Variants in LMBRD1 observed in about 807,000 individuals in gnomAD.
The protein encoded by LMBRD1 is lysosomal cobalamin transport escort protein LMBD1.
In LMBRD1, 64 loss-of-function variants were observed where a neutral mutation model predicts 74.8. That is an observed-to-expected ratio of 0.86 (90% confidence interval 0.70 to 1.05). The LOEUF is 1.05. Among genes scored for constraint, LMBRD1 ranks in the 50% least tolerant of loss-of-function variants. LMBRD1 has a pLI of 0.00. For synonymous variants in LMBRD1, 204 were observed against 216.3 expected (o/e 0.94, Z 0.50); for missense variants, 652 against 645.9 (o/e 1.01, Z -0.10).
At chr6:69,791,320 G>C (rs1001369279) in intron 1 of LMBRD1, among the ~76,000 whole-genome samples, 4 of 152,198 alleles carry the variant, frequency 2.6e-5, no homozygotes, top group African/African-American at 7.2e-5. Flanking sequence ...GCTACTGCTG[G>C]TCCAGGGCTG....
At chr6:69,726,232 G>A (rs1766732275) in intron 7 of LMBRD1, among the ~76,000 whole-genome samples, 1 of 152,200 alleles carries the variant, frequency 6.6e-6, no homozygotes, top group African/African-American at 2.4e-5. Context: ...AACAACAAAT[G>A]CTGGTGAAGA....
intron 6 of LMBRD1, among the ~76,000 whole-genome samples, chr6:69,739,882 C>T (rs577578282): frequency 5.9e-5 from 9 of 152,174 alleles, no homozygotes; most frequent in South Asian, 2.1e-4. Context: ...CCAAGGTGGG[C>T]GGATCACAAG....
At position 69,681,341 on chromosome 6, in the gene LMBRD1, ATT is replaced by A. The variant is rs955459037; in HGVS notation, c.1418-4802_1418-4801del. On this transcript the variant is annotated intron_variant, in intron 14 of 15. Transcript: ENST00000649934. Reference sequence around the variant, plus strand: ...AAATAACAGGAAATGCAAGTACACCATTTTTTTTGTAATTTAACAGCAGTCTT... The same window carrying A: ...AAATAACAGGAAATGCAAGTACACCATTTTTTGTAATTTAACAGCAGTCTT... Among the ~76,000 whole-genome samples the A allele has an allele frequency of 5.9e-5, 9 of 151,708 alleles. No individual in the cohort carries two copies. In the East Asian group the frequency reaches 1.7e-3, roughly 29 times the overall value.
At chr6:69,679,665 T>G (rs1765621278) in intron 14 of LMBRD1, among the ~76,000 whole-genome samples, 1 of 152,160 alleles carries the variant, frequency 6.6e-6, no homozygotes, top group African/African-American at 2.4e-5. Context: ...ATAACTAAAA[T>G]GTCCAGCATG....
At chr6:69,790,582 T>A in intron 1 of LMBRD1, 110 bp from the exon 2 acceptor site, 1 of 1,092,474 alleles carries the variant, frequency 9.2e-7, no homozygotes, top group Non-Finnish European at 1.4e-6. Flanking sequence ...AAAGGTTATT[T>A]TAGTTGTGTA....
intron 3 of LMBRD1, among the ~76,000 whole-genome samples, chr6:69,761,706 T>C (rs1358706898): frequency 2.0e-5 from 3 of 152,212 alleles, no homozygotes; most frequent in African/African-American, 7.2e-5. Context: ...GTTTGGTAAA[T>C]TTATAAAGTT....
intron 10 of LMBRD1, 92 bp from the exon 11 acceptor site, chr6:69,701,637 TGA>T: frequency 1.3e-6 from 1 of 775,548 alleles, no homozygotes; most frequent in Non-Finnish European, 2.2e-6. Context: ...CAAATACACC[TGA>T]GTCAAAGAAA....
chr6:69,788,261 C>T (rs112155940), intron 2 of LMBRD1, among the ~76,000 whole-genome samples: 136 of 152,088 alleles, frequency 8.9e-4, no homozygotes, highest in African/African-American at 2.7e-3. Context: ...AAAAAATCTC[C>T]GATTCAAACA....
intron 3 of LMBRD1, among the ~76,000 whole-genome samples, chr6:69,771,873 T>C (rs1240564233): frequency 7.7e-6 from 1 of 129,690 alleles, no homozygotes; most frequent in African/African-American, 2.5e-5. Flanking sequence ...GGATTATAGC[T>C]AGAAAAAAAA....
chr6:69,713,289 C>T (rs576022930), intron 9 of LMBRD1, among the ~76,000 whole-genome samples: 1 of 152,096 alleles, frequency 6.6e-6, no homozygotes, highest in South Asian at 2.1e-4. Context: ...AGACTAAACA[C>T]TTAACATAAG....
intron 3 of LMBRD1, among the ~76,000 whole-genome samples, chr6:69,755,573 A>G (rs1463128707): frequency 6.8e-6 from 1 of 146,388 alleles, no homozygotes; most frequent in Non-Finnish European, 1.5e-5. Flanking sequence ...CATTCTGCAC[A>G]TGTATCCCAG....
intron 8 of LMBRD1, among the ~76,000 whole-genome samples, chr6:69,716,686 T>C (rs1334798891): frequency 6.6e-6 from 1 of 152,012 alleles, no homozygotes; most frequent in Non-Finnish European, 1.5e-5. Flanking sequence ...CATTGCACAT[T>C]ACAAGATGGT....
chr6:69,683,589 G>T (rs1328349637), intron 14 of LMBRD1, among the ~76,000 whole-genome samples: 1 of 151,918 alleles, frequency 6.6e-6, no homozygotes, highest in East Asian at 1.9e-4. Context: ...ATCAAATGAG[G>T]TTATCAACAC....
At chr6:69,755,883 A>T (rs1213488499) in intron 3 of LMBRD1, among the ~76,000 whole-genome samples, 1 of 152,236 alleles carries the variant, frequency 6.6e-6, no homozygotes, top group African/African-American at 2.4e-5. Flanking sequence ...ATAGCCAAAC[A>T]GCCTAATGAC....
At chr6:69,691,237 G>GAA (rs771503045) in intron 14 of LMBRD1, among the ~76,000 whole-genome samples, 7 of 122,502 alleles carry the variant, frequency 5.7e-5, no homozygotes, top group African/African-American at 1.5e-4. Context: ...GTTAAATGTT[G>GAA]AAAAAAAAAA....
At chr6:69,719,488 A>C (rs973289197) in intron 7 of LMBRD1, among the ~76,000 whole-genome samples, 1 of 152,176 alleles carries the variant, frequency 6.6e-6, no homozygotes, top group Non-Finnish European at 1.5e-5. Context: ...GTATTTTAAT[A>C]TATACATGTT....
At chr6:69,725,308 G>A (rs1286172819) in intron 7 of LMBRD1, among the ~76,000 whole-genome samples, 2 of 150,184 alleles carry the variant, frequency 1.3e-5, no homozygotes, top group Middle Eastern at 6.8e-3. Flanking sequence ...CAGATTCAAT[G>A]CAATCCCTAT....
chr6:69,727,042 C>A (rs1285627054), intron 7 of LMBRD1, among the ~76,000 whole-genome samples: 1 of 152,128 alleles, frequency 6.6e-6, no homozygotes, highest in Non-Finnish European at 1.5e-5. Context: ...GTTGTCCCAG[C>A]TACTCGGGAG....
intron 1 of LMBRD1, among the ~76,000 whole-genome samples, chr6:69,795,312 A>G (rs558723096): frequency 2.0e-5 from 3 of 152,250 alleles, no homozygotes; most frequent in African/African-American, 7.2e-5. Flanking sequence ...CTCTACCACA[A>G]TTCTCATTTT....
Sources: allele counts gnomAD v4.1 joint callset (sites outside exome capture counted in the v4.1 genomes callset), GRCh38; gene constraint gnomAD v4.1.1; transcripts MANE v1.5; gene names NCBI Gene and HGNC (gene_info 2026-07-23, HGNC 2026-07-21).